NSL1: variants seen among roughly 807,000 people sequenced by gnomAD.
The protein encoded by NSL1 is NSL1 component of MIS12 kinetochore complex.
NSL1 carries 11 observed loss-of-function variants against 25.4 expected under a neutral mutation model. The ratio of observed to expected loss-of-function variants is 0.43; its 90% CI spans 0.27 to 0.72. The LOEUF (loss-of-function observed/expected upper bound fraction) is 0.72, where lower values mean the gene tolerates loss of function less well. Among genes scored for constraint, NSL1 ranks in the 30% least tolerant of loss-of-function variants. The probability of loss-of-function intolerance (pLI) is 0.19; values close to 1 mark genes in which losing one functional copy is unlikely to be tolerated. For synonymous variants in NSL1, 118 were observed against 120.6 expected (o/e 0.98, Z 0.14); for missense variants, 330 against 342.7 (o/e 0.96, Z 0.29).
Position 212,728,387 on chromosome 1 carries a change from T to C in NSL1, c.*10021A>G, listed in dbSNP as rs1219874805. The C allele has an allele frequency of 2.0e-6, 2 of 985,366 alleles. No individual in the cohort carries two copies. Among genetic ancestry groups the C allele is most frequent in the African/African-American group, 1.7e-5 (1 of 57,258 alleles). The allele number at this position is 985,366 out of a possible 1,614,324, so 61.0% of individuals were successfully genotyped here. On this transcript the variant is annotated 3_prime_UTR_variant, in exon 6 of 6. Transcript: ENST00000366977. ...TTCTACAATTCACGCTATTTATTAA[T>C]GGCCTTTTACCCAATCTGGGACACT...
rs546546782 is a variant in NSL1 at position 212,738,590 on chromosome 1, A to C, written c.664T>G (p.Ser222Ala). The change falls in exon 6 of 6, where the codon TCC (serine) becomes GCC (alanine). Residue 222 changes from serine to alanine, a missense_variant. Ser to Ala is a moderately conservative substitution (Grantham distance 99, BLOSUM62 1). Transcript: ENST00000366977. ...HLQRIHQEVF[S>A]SCHRKPDAKP... ...GCATCTGGTTTCCTATGACAACTGG[A>C]AAAGACTTCTTGGTGAATCCTCTGG... 2 of 1,614,144 alleles carry C rather than the reference A, an allele frequency of 1.2e-6. No homozygotes were observed. The highest frequency in any genetic ancestry group is 8.5e-7 in the Non-Finnish European group (1 of 1,180,014).
At chr1:212,781,362 GTTTT>G (rs777771493) in intron 4 of NSL1, among the ~76,000 whole-genome samples, 3 of 152,090 alleles carry the variant, frequency 2.0e-5, no homozygotes, top group Non-Finnish European at 4.4e-5. Context: ...TTCAATTACT[GTTTT>G]TTTGTTATTC....
At chr1:212,754,061 C>T (rs1350946079) in intron 4 of NSL1, among the ~76,000 whole-genome samples, 1 of 152,068 alleles carries the variant, frequency 6.6e-6, no homozygotes, top group African/African-American at 2.4e-5. Flanking sequence ...AGGTAGGGGC[C>T]AGATCACCTA....
intron 4 of NSL1, among the ~76,000 whole-genome samples, chr1:212,772,290 C>T (rs930464450): frequency 1.3e-5 from 2 of 152,016 alleles, no homozygotes; most frequent in Non-Finnish European, 2.9e-5. Context: ...ATAAAATAAC[C>T]ATAATACCCA....
chr1:212,727,085 C>T lies in NSL1; in HGVS notation c.*11323G>A. On this transcript the variant is annotated 3_prime_UTR_variant, in exon 6 of 6. Transcript: ENST00000366977. ...CTGGGTCACCCAGCTTCATCCTCTT[C>T]ATCTTGCCAGTTCACCAGAGGCAGA... 6.8e-7 allele frequency: 1 copy of T among 1,475,664 alleles called. No homozygotes were observed. The highest frequency in any genetic ancestry group is 9.0e-7 in the Non-Finnish European group (1 of 1,110,600). The allele number at this position is 1,475,664 out of a possible 1,614,324, so 91.4% of individuals were successfully genotyped here.
intron 4 of NSL1, among the ~76,000 whole-genome samples, chr1:212,751,519 T>TA (rs993065226): frequency 1.3e-5 from 2 of 152,252 alleles, no homozygotes; most frequent in Non-Finnish European, 2.9e-5. Context: ...TAACTAATGG[T>TA]AAAAAGTTAG....
chr1:212,736,341 A>G lies in NSL1; in HGVS notation c.*2067T>C. On this transcript the variant is annotated 3_prime_UTR_variant, in exon 6 of 6. Transcript: ENST00000366977. ...CGCCTGGCTATTTCTTTTCTGAAAG[A>G]TAATTTTAAGACCCTATTCAATCCA... is the stretch of plus-strand genomic sequence containing the variant. 3.0e-6 allele frequency: 3 copies of G among 985,280 alleles called. No homozygotes were observed. Among genetic ancestry groups the G allele is most frequent in the Non-Finnish European group, 3.6e-6 (3 of 829,782 alleles). 61.0% of individuals were successfully genotyped at this position (985,280 alleles called of 1,614,324 possible). A position where few individuals can be genotyped will look rare whatever the true frequency, so the allele number is the denominator to read the frequency against.
Position 212,733,293 on chromosome 1 carries a change from A to G in NSL1, c.*5115T>C, listed in dbSNP as rs949581515. 2.6e-5 allele frequency among the ~76,000 whole-genome samples: 4 copies of G among 152,114 alleles called. No individual in the cohort carries two copies. The highest frequency in any genetic ancestry group is 5.9e-5 in the Non-Finnish European group (4 of 68,010). On this transcript the variant is annotated 3_prime_UTR_variant, in exon 6 of 6. Coordinates refer to ENST00000366977, the MANE Select transcript of NSL1 (RefSeq NM_015471.4). The stretch of plus-strand genomic sequence containing the variant: ...CAAAAAATACAAAAATTAGCTGGGC[A>G]TGATGGTGCATGCCTATAGTCCCAC...
intron 4 of NSL1, among the ~76,000 whole-genome samples, chr1:212,757,313 A>G (rs1659362093): frequency 6.6e-6 from 1 of 152,186 alleles, no homozygotes; most frequent in Non-Finnish European, 1.5e-5. Context: ...GAGCCACTGG[A>G]GGGCCTTCAA....
In NSL1 at chr1:212,732,188, T is replaced by A. The variant is rs1344653550; in HGVS notation, c.*6220A>T. ...AGTGAATAACTGCCTTATTTTTTGT[T>A]TCTTTGAACATCTTAATCATATTAC... is the stretch of plus-strand genomic sequence containing the variant. On this transcript the variant is annotated 3_prime_UTR_variant, in exon 6 of 6. Transcript: ENST00000366977. 5.1e-6 allele frequency: 5 copies of A among 984,484 alleles called. No homozygotes were observed. The highest frequency in any genetic ancestry group is 3.6e-6 in the Non-Finnish European group (3 of 829,182). 61.0% of individuals were successfully genotyped at this position (984,484 alleles called of 1,614,324 possible).
chr1:212,787,567 C>T lies in NSL1; in HGVS notation c.305G>A (p.Cys102Tyr). ...AGGAAAAAGTCACATACCCATAAAACAATTATCTGAAGCTTCCTGCCATGC... is the reference window on the plus strand; with the variant it reads ...AGGAAAAAGTCACATACCCATAAAATAATTATCTGAAGCTTCCTGCCATGC... ...GQAWQEASDN[C>Y]FMDSDIKVLE... The change falls in exon 2 of 6, where the codon TGT becomes TAT. Residue 102 changes from cysteine to tyrosine, a missense_variant. Cys to Tyr is a radical substitution (Grantham distance 194). Coordinates refer to ENST00000366977, the MANE Select transcript of NSL1 (RefSeq NM_015471.4). 6.2e-7 allele frequency: 1 copy of T among 1,600,794 alleles called. No homozygotes were observed. Among genetic ancestry groups the T allele is most frequent in the Non-Finnish European group, 8.5e-7 (1 of 1,174,478 alleles).
chr1:212,771,174 C>T lies in NSL1; in HGVS notation c.499+11198G>A, dbSNP rs1375508558. Among the ~76,000 whole-genome samples the T allele has an allele frequency of 4.6e-5, 7 of 152,072 alleles. No homozygotes were observed. In the East Asian group the frequency reaches 7.7e-4, roughly 17 times the overall value. ...ACTAAAAATACAAAAATTAGCCAGG[C>T]GTGGTGGCGCATGCCTGTAATCCCA... On this transcript the variant is annotated intron_variant, in intron 4 of 5. Transcript: ENST00000366977.
intron 4 of NSL1, among the ~76,000 whole-genome samples, chr1:212,753,582 T>C (rs1359461963): frequency 6.6e-6 from 1 of 152,226 alleles, no homozygotes; most frequent in African/African-American, 2.4e-5. Context: ...GTAAGAACTT[T>C]GTGCTGCTCA....
chr1:212,763,135 G>A (rs547616437), intron 4 of NSL1, among the ~76,000 whole-genome samples: 4 of 152,266 alleles, frequency 2.6e-5, no homozygotes, highest in East Asian at 1.9e-4. Flanking sequence ...TGAGACCAGC[G>A]TCGCCAACTG....
In NSL1 at chr1:212,733,164, C is replaced by T. The variant is rs1346786453; in HGVS notation, c.*5244G>A. Among the ~76,000 whole-genome samples, 2 of 152,100 alleles carry T rather than the reference C, an allele frequency of 1.3e-5. No individual in the cohort carries two copies. Among genetic ancestry groups the T allele is most frequent in the Non-Finnish European group, 2.9e-5 (2 of 68,028 alleles). The stretch of plus-strand genomic sequence containing the variant: ...CCCTCAAAAGACATCCCAGGCCAGG[C>T]GCAGTGGCTCACGCCTGTAATCCAG... On this transcript the variant is annotated 3_prime_UTR_variant, in exon 6 of 6. Transcript: ENST00000366977.
chr1:212,768,683 G>A (rs930044529), intron 4 of NSL1, among the ~76,000 whole-genome samples: 12 of 152,146 alleles, frequency 7.9e-5, no homozygotes, highest in Admixed American at 7.2e-4. Context: ...AGGATGCAAA[G>A]GCATAAGAAT....
At chr1:212,787,026 G>A (rs1192714044) in intron 2 of NSL1, among the ~76,000 whole-genome samples, 2 of 151,714 alleles carry the variant, frequency 1.3e-5, no homozygotes, top group African/African-American at 2.4e-5. Flanking sequence ...GCCAGGCGTG[G>A]TGGCCACATG....
rs1657789649 is a variant in NSL1 at position 212,726,431 on chromosome 1, A to G, written c.*11977T>C. The G allele has an allele frequency of 6.6e-6, 1 of 152,240 alleles. No homozygotes were observed. The highest frequency in any genetic ancestry group is 6.5e-5 in the Admixed American group (1 of 15,276). The allele number at this position is 152,240 out of a possible 1,614,324, so 9.4% of individuals were successfully genotyped here. ...CACTGTCCCTATGGGAAGACTTGGT[A>G]TTTTTCAGATTTCCCTGCTGTTTAT... On this transcript the variant is annotated 3_prime_UTR_variant, in exon 6 of 6. Coordinates refer to ENST00000366977, the MANE Select transcript of NSL1 (RefSeq NM_015471.4).
chr1:212,740,396 GA>G (rs1475267084), intron 4 of NSL1, among the ~76,000 whole-genome samples: 1 of 152,090 alleles, frequency 6.6e-6, no homozygotes, highest in Non-Finnish European at 1.5e-5. Context: ...TAGAAAAATG[GA>G]AATGAACCAC....
Sources: allele counts gnomAD v4.1 joint callset (sites outside exome capture counted in the v4.1 genomes callset), GRCh38; gene constraint gnomAD v4.1.1; transcripts MANE v1.5; gene names NCBI Gene and HGNC (gene_info 2026-07-23, HGNC 2026-07-21).